Variants in USP17L4 observed in about 807,000 individuals in gnomAD.
The protein encoded by USP17L4 is ubiquitin specific peptidase 17 like family member 4, also known as inactive ubiquitin carboxyl-terminal hydrolase 17-like protein 4.
In USP17L4, 16 loss-of-function variants were observed where a neutral mutation model predicts 20.2. The ratio of observed to expected loss-of-function variants is 0.79; its 90% CI spans 0.54 to 1.20. The LOEUF (loss-of-function observed/expected upper bound fraction) is 1.20. Among genes scored for constraint, USP17L4 ranks in the 50% most tolerant of loss-of-function variants. The pLI is 0.00. For missense variants in USP17L4, 211 were observed against 316.9 expected, an observed-to-expected ratio of 0.67 and a Z score of 2.54; for synonymous variants, 92 against 122.5, an observed-to-expected ratio of 0.75 and a Z score of 1.65.
chr8:7,337,170 A>G lies in USP17L4; in HGVS notation c.56A>G (p.Lys19Arg). ...GAGTGGCAGTTCAACCACTTTTCAA[A>G]ACTCACATCTTCTCGGCCAGATGCA... ...GGEWQFNHFS[K>R]LTSSRPDAAF... The change falls in exon 1 of 1, where the codon AAA becomes AGA. Residue 19 changes from lysine to arginine, a missense_variant. Lys to Arg is a conservative substitution (Grantham distance 26). This residue lies in a region of USP17L4 where 56 missense variants were observed against 46.3 expected (regional missense o/e 1.21). Transcript: ENST00000526929. 1.7e-6 allele frequency: 1 copy of G among 571,444 alleles called. No individual in the cohort carries two copies. Among genetic ancestry groups the G allele is most frequent in the Non-Finnish European group, 2.9e-6 (1 of 340,568 alleles). The allele number at this position is 571,444 out of a possible 1,614,324, so 35.4% of individuals were successfully genotyped here.
Position 7,338,352 on chromosome 8 carries a change from C to T in USP17L4, c.1238C>T (p.Pro413Leu), listed in dbSNP as rs1804683184. 8.7e-6 allele frequency: 9 copies of T among 1,037,714 alleles called. 1 individual carries two copies. Among genetic ancestry groups the T allele is most frequent in the Middle Eastern group, 3.0e-4 (1 of 3,298 alleles). The allele number at this position is 1,037,714 out of a possible 1,614,324, so 64.3% of individuals were successfully genotyped here. A position where few individuals can be genotyped will look rare whatever the true frequency, so the allele number is the denominator to read the frequency against. Residue 413 changes from proline (P) to leucine (L), a missense_variant, in exon 1 of 1, where the codon CCT becomes CTT. Around this residue, in one of 5 missense-constraint regions of USP17L4, gnomAD observed 140 missense variants for 167.6 expected, o/e 0.84. Coordinates refer to ENST00000526929, the MANE Select transcript of USP17L4 (RefSeq NM_001256874.1). Reference protein sequence around the residue: ...ATQGELKRDHPCLQVPELDEH... With the variant: ...ATQGELKRDHLCLQVPELDEH... ...CAAGGAGAGCTCAAGAGAGACCACC[C>T]TTGCCTCCAGGTACCCGAGTTGGAC...
rs1408181259 is a variant in USP17L4, at chr8:7,338,100, G to A, written c.986G>A (p.Ser329Asn). The change falls in exon 1 of 1, where the codon AGT becomes AAT. Residue 329 changes from serine (S) to asparagine (N), a missense_variant. Physicochemically the swap from Ser to Asn is conservative, Grantham distance 46. Transcript: ENST00000526929. Reference protein sequence around the residue: ...LYAVLVHAGWSCHDGYYFSYV... With the variant: ...LYAVLVHAGWNCHDGYYFSYV... ...GCTGTGCTGGTCCACGCTGGGTGGA[G>A]TTGTCACGACGGATATTACTTCTCT... 3 of 1,568,494 alleles carry A rather than the reference G, an allele frequency of 1.9e-6. No homozygotes were observed. Among genetic ancestry groups the A allele is most frequent in the Non-Finnish European group, 2.6e-6 (3 of 1,169,944 alleles).
Position 7,338,157 on chromosome 8 carries a change from A to G in USP17L4, c.1043A>G (p.Lys348Arg). Residue 348 changes from lysine to arginine, a missense_variant, in exon 1 of 1, where the codon AAA (lysine) becomes AGA (arginine). By Grantham distance (26) the Lys-to-Arg change is conservative. Transcript: ENST00000526929. ...AAAGCTCAAGAAGGCCAGTGGTATA[A>G]AATGGATGATGCCGAGGTCACTGTC... ...YVKAQEGQWY[K>R]MDDAEVTVCS... 2 of 1,551,070 alleles carry G rather than the reference A, an allele frequency of 1.3e-6. No homozygotes were observed. The highest frequency in any genetic ancestry group is 1.7e-5 in the Admixed American group (1 of 58,840).
In USP17L4 at chr8:7,338,521, A is replaced by G. The variant is rs1327881928; in HGVS notation, c.1407A>G (p.Ser469=). 13 of 543,544 alleles carry G rather than the reference A, an allele frequency of 2.4e-5. 1 individual carries two copies. Among genetic ancestry groups the G allele is most frequent in the Non-Finnish European group, 3.6e-5 (12 of 329,872 alleles). 33.7% of individuals were successfully genotyped at this position (543,544 alleles called of 1,614,324 possible). Residue 469 remains serine (S), a synonymous_variant, in exon 1 of 1, where the codon TCA becomes TCG. Transcript: ENST00000526929. ...LPPNVLVIHQ[S]KYKCGMKNHH... ...CCAACGTACTTGTGATTCATCAATC[A>G]AAATACAAGTGTGGGATGAAAAACC...
Position 7,337,996 on chromosome 8 carries a change from T to C in USP17L4, c.882T>C (p.Asn294=), listed in dbSNP as rs1267963196. ...TCGCAGGCAACAAACTTGCCAAGAA[T>C]GTGCAATATCCTGAGTGCCTTGACA... The part of the protein sequence containing the change: ...SDVAGNKLAK[N]VQYPECLDMQ... Residue 294 remains asparagine (N), a synonymous_variant, in exon 1 of 1, where the codon AAT becomes AAC. Transcript: ENST00000526929. 6 of 872,294 alleles carry C rather than the reference T, an allele frequency of 6.9e-6. 1 individual carries two copies. The highest frequency in any genetic ancestry group is 1.1e-5 in the Non-Finnish European group (6 of 553,184). 54.0% of individuals were successfully genotyped at this position (872,294 alleles called of 1,614,324 possible).
In USP17L4 at chr8:7,338,440, G is replaced by A. The variant is rs1469843931; in HGVS notation, c.1326G>A (p.Glu442=). 1 of 606,854 alleles carries A rather than the reference G, an allele frequency of 1.6e-6. No homozygotes were observed. Among genetic ancestry groups the A allele is most frequent in the Non-Finnish European group, 2.7e-6 (1 of 366,156 alleles). The allele number at this position is 606,854 out of a possible 1,614,324, so 37.6% of individuals were successfully genotyped here. The change falls in exon 1 of 1, where the codon GAG becomes GAA. Residue 442 remains glutamate, a synonymous_variant. Transcript: ENST00000526929. The stretch of plus-strand genomic sequence containing the variant: ...TAGACCACTGGAAATTCCCCCAAGA[G>A]CAAAACAAAATGAAGCCTGAGTTCA... ...STLDHWKFPQ[E]QNKMKPEFNV...
Position 7,338,127 on chromosome 8 carries a change from A to G in USP17L4, c.1013A>G (p.Tyr338Cys), listed in dbSNP as rs1804660332. The G allele has an allele frequency of 6.4e-7, 1 of 1,568,898 alleles. No homozygotes were observed. Among genetic ancestry groups the G allele is most frequent in the Non-Finnish European group, 8.6e-7 (1 of 1,169,360 alleles). The change falls in exon 1 of 1, where the codon TAT (tyrosine) becomes TGT (cysteine). Residue 338 changes from tyrosine (Y) to cysteine (C), a missense_variant. Around this residue, in one of 5 missense-constraint regions of USP17L4, gnomAD observed 140 missense variants for 167.6 expected, o/e 0.84. Coordinates refer to ENST00000526929, the MANE Select transcript of USP17L4 (RefSeq NM_001256874.1). ...WSCHDGYYFSYVKAQEGQWYK... is the reference protein window; with the variant it reads ...WSCHDGYYFSCVKAQEGQWYK... Reference sequence around the variant, plus strand: ...TGTCACGACGGATATTACTTCTCTTATGTCAAAGCTCAAGAAGGCCAGTGG... The same window carrying G: ...TGTCACGACGGATATTACTTCTCTTGTGTCAAAGCTCAAGAAGGCCAGTGG...
In USP17L4 at chr8:7,338,133, A is replaced by G. The variant is rs1458791379; in HGVS notation, c.1019A>G (p.Lys340Arg). Reference sequence around the variant, plus strand: ...GACGGATATTACTTCTCTTATGTCAAAGCTCAAGAAGGCCAGTGGTATAAA... The same window carrying G: ...GACGGATATTACTTCTCTTATGTCAGAGCTCAAGAAGGCCAGTGGTATAAA... Reference protein sequence around the residue: ...CHDGYYFSYVKAQEGQWYKMD... With the variant: ...CHDGYYFSYVRAQEGQWYKMD... The change falls in exon 1 of 1, where the codon AAA becomes AGA. Residue 340 changes from lysine to arginine, a missense_variant. Coordinates refer to ENST00000526929, the MANE Select transcript of USP17L4 (RefSeq NM_001256874.1). 2 of 1,566,338 alleles carry G rather than the reference A, an allele frequency of 1.3e-6. No homozygotes were observed.
At chr8:7,338,237 A>T in the USP17L4 span, 2 of 1,305,836 alleles carry the variant, frequency 1.5e-6, no homozygotes, top group African/African-American at 2.7e-5. Flanking sequence ...TTACATCCAG[A>T]AGAGTGAATG....
At position 7,337,720 on chromosome 8, in the gene USP17L4, A is replaced by G; in HGVS notation, c.606A>G (p.Arg202=). Residue 202 remains arginine, a synonymous_variant, in exon 1 of 1, where the codon AGA becomes AGG. Transcript: ENST00000526929. ...ACCAAATATTTGGAGGCTGCTGGAG[A>G]TCTCAAATCAAGTGTCTCCACTGCC... ...LIHQIFGGCW[R]SQIKCLHCHG... The G allele has an allele frequency of 2.0e-6, 1 of 498,636 alleles. No individual in the cohort carries two copies. The highest frequency in any genetic ancestry group is 3.2e-6 in the Non-Finnish European group (1 of 308,010). 30.9% of individuals were successfully genotyped at this position (498,636 alleles called of 1,614,324 possible).
Position 7,338,500 on chromosome 8 carries a change from C to A in USP17L4, c.1386C>A (p.Asn462Lys), listed in dbSNP as rs1416538544. Residue 462 changes from asparagine (N) to lysine (K), a missense_variant, in exon 1 of 1, where the codon AAC (asparagine) becomes AAA (lysine). Coordinates refer to ENST00000526929, the MANE Select transcript of USP17L4 (RefSeq NM_001256874.1). ...VRKVEGTLPP[N>K]VLVIHQSKYK... ...AAGTTGAAGGTACCCTGCCTCCCAACGTACTTGTGATTCATCAATCAAAAT... is the reference window on the plus strand; with the variant it reads ...AAGTTGAAGGTACCCTGCCTCCCAAAGTACTTGTGATTCATCAATCAAAAT... 7.3e-6 allele frequency: 4 copies of A among 548,026 alleles called. No homozygotes were observed. Among genetic ancestry groups the A allele is most frequent in the Non-Finnish European group, 1.2e-5 (4 of 332,448 alleles). The allele number at this position is 548,026 out of a possible 1,614,324, so 33.9% of individuals were successfully genotyped here. A position where few individuals can be genotyped will look rare whatever the true frequency, so the allele number is the denominator to read the frequency against.
Position 7,338,135 on chromosome 8 carries a change from G to T in USP17L4, c.1021G>T (p.Ala341Ser). The T allele has an allele frequency of 4.5e-6, 7 of 1,565,298 alleles. No individual in the cohort carries two copies. Among genetic ancestry groups the T allele is most frequent in the Non-Finnish European group, 4.3e-6 (5 of 1,166,358 alleles). The change falls in exon 1 of 1, where the codon GCT becomes TCT. Residue 341 changes from alanine (A) to serine (S), a missense_variant. By Grantham distance (99) the Ala-to-Ser change is moderately conservative (BLOSUM62 1). Around this residue, in one of 5 missense-constraint regions of USP17L4, gnomAD observed 140 missense variants for 167.6 expected, o/e 0.84. Transcript: ENST00000526929. ...HDGYYFSYVK[A>S]QEGQWYKMDD... ...CGGATATTACTTCTCTTATGTCAAAGCTCAAGAAGGCCAGTGGTATAAAAT... is the reference window on the plus strand; with the variant it reads ...CGGATATTACTTCTCTTATGTCAAATCTCAAGAAGGCCAGTGGTATAAAAT...
Position 7,337,301 on chromosome 8 carries a change from G to A in USP17L4, c.187G>A (p.Ala63Thr), listed in dbSNP as rs1368056972. 1 of 470,728 alleles carries A rather than the reference G, an allele frequency of 2.1e-6. No individual in the cohort carries two copies. The highest frequency in any genetic ancestry group is 3.5e-6 in the Non-Finnish European group (1 of 282,984). The allele number at this position is 470,728 out of a possible 1,614,324, so 29.2% of individuals were successfully genotyped here. A position where few individuals can be genotyped will look rare whatever the true frequency, so the allele number is the denominator to read the frequency against. The change falls in exon 1 of 1, where the codon GCT becomes ACT. Residue 63 changes from alanine to threonine, a missense_variant. Physicochemically the swap from Ala to Thr is moderately conservative, Grantham distance 58. Coordinates refer to ENST00000526929, the MANE Select transcript of USP17L4 (RefSeq NM_001256874.1). The part of the protein sequence containing the change: ...DDLAPVARQL[A>T]PREKLPLSSR... ...TTTGGCTCCTGTGGCAAGACAGCTC[G>A]CTCCCAGGGAGAAGCTTCCTCTGAG...
chr8:7,338,405 G>A lies in USP17L4; in HGVS notation c.1291G>A (p.Glu431Lys). 1 of 696,468 alleles carries A rather than the reference G, an allele frequency of 1.4e-6. No individual in the cohort carries two copies. The allele number at this position is 696,468 out of a possible 1,614,324, so 43.1% of individuals were successfully genotyped here. Residue 431 changes from glutamate to lysine, a missense_variant, in exon 1 of 1, where the codon GAA becomes AAA. Physicochemically the swap from Glu to Lys is moderately conservative, Grantham distance 56. Transcript: ENST00000526929. ...GCACTTGGTGGAAAGAGCCACTGAG[G>A]AAAGCACCTTAGACCACTGGAAATT... ...DEHLVERATE[E>K]STLDHWKFPQ...
chr8:7,337,946 C>T lies in USP17L4; in HGVS notation c.832C>T (p.Leu278Phe). Reference sequence around the variant, plus strand: ...ACACACTTCTGCCAAGGTCCTCATCCTTGTCTTGAAGAGATTCTCCGATGT... The same window carrying T: ...ACACACTTCTGCCAAGGTCCTCATCTTTGTCTTGAAGAGATTCTCCGATGT... ...TLHTSAKVLILVLKRFSDVAG... is the reference protein window; with the variant it reads ...TLHTSAKVLIFVLKRFSDVAG... Residue 278 changes from leucine (L) to phenylalanine (F), a missense_variant, in exon 1 of 1, where the codon CTT becomes TTT. Leu to Phe is a conservative substitution (Grantham distance 22). Coordinates refer to ENST00000526929, the MANE Select transcript of USP17L4 (RefSeq NM_001256874.1). The T allele has an allele frequency of 3.9e-6, 3 of 770,038 alleles. No individual in the cohort carries two copies. The highest frequency in any genetic ancestry group is 6.3e-6 in the Non-Finnish European group (3 of 479,866). 47.7% of individuals were successfully genotyped at this position (770,038 alleles called of 1,614,324 possible).
In USP17L4 at chr8:7,338,693, C is replaced by T. The variant is rs1218848637; in HGVS notation, c.1579C>T (p.Leu527Phe). 3.4e-6 allele frequency: 2 copies of T among 586,510 alleles called. No homozygotes were observed. The highest frequency in any genetic ancestry group is 5.7e-6 in the Non-Finnish European group (2 of 352,174). 36.3% of individuals were successfully genotyped at this position (586,510 alleles called of 1,614,324 possible). The change falls in exon 1 of 1, where the codon CTT becomes TTT. Residue 527 changes from leucine to phenylalanine, a missense_variant. Transcript: ENST00000526929. Reference protein sequence around the residue: ...GKNKHSKRSLLVCQ With the variant: ...GKNKHSKRSLFVCQ ...GAACAAACACAGCAAGAGATCTCTG[C>T]TTGTGTGCCAGTGATCAGAGTGGAA...
Position 7,338,366 on chromosome 8 carries a change from C to T in USP17L4, c.1252C>T (p.Pro418Ser), listed in dbSNP as rs1804684717. 4 of 910,330 alleles carry T rather than the reference C, an allele frequency of 4.4e-6. No individual in the cohort carries two copies. The highest frequency in any genetic ancestry group is 6.6e-6 in the Non-Finnish European group (4 of 607,156). 56.4% of individuals were successfully genotyped at this position (910,330 alleles called of 1,614,324 possible). ...GAGAGACCACCCTTGCCTCCAGGTA[C>T]CCGAGTTGGACGAGCACTTGGTGGA... ...LKRDHPCLQVPELDEHLVERA... is the reference protein window; with the variant it reads ...LKRDHPCLQVSELDEHLVERA... The change falls in exon 1 of 1, where the codon CCC becomes TCC. Residue 418 changes from proline to serine, a missense_variant. Coordinates refer to ENST00000526929, the MANE Select transcript of USP17L4 (RefSeq NM_001256874.1).
In USP17L4 at chr8:7,337,262, G is replaced by A. The variant is rs770470319; in HGVS notation, c.148G>A (p.Asp50Asn). The A allele has an allele frequency of 1.3e-3, 626 of 490,192 alleles. 14 individuals are homozygous for A. Among genetic ancestry groups the A allele is most frequent in the Non-Finnish European group, 2.0e-4 (60 of 293,848 alleles). 30.4% of individuals were successfully genotyped at this position (490,192 alleles called of 1,614,324 possible). A position where few individuals can be genotyped will look rare whatever the true frequency, so the allele number is the denominator to read the frequency against. ...ACCACTCTCATCTGAGACCCGTGTC[G>A]ACCTCTGTGATGATTTGGCTCCTGT... The part of the protein sequence containing the change: ...KSPLSSETRV[D>N]LCDDLAPVAR... The change falls in exon 1 of 1, where the codon GAC (aspartate) becomes AAC (asparagine). Residue 50 changes from aspartate to asparagine, a missense_variant. Asp to Asn is a conservative substitution (Grantham distance 23). Transcript: ENST00000526929.
At position 7,338,433 on chromosome 8, in the gene USP17L4, C is replaced by G. The variant is rs1459049054; in HGVS notation, c.1319C>G (p.Pro440Arg). The change falls in exon 1 of 1, where the codon CCC becomes CGC. Residue 440 changes from proline (P) to arginine (R), a missense_variant. Transcript: ENST00000526929. ...AGCACCTTAGACCACTGGAAATTCC[C>G]CCAAGAGCAAAACAAAATGAAGCCT... ...EESTLDHWKFPQEQNKMKPEF... is the reference protein window; with the variant it reads ...EESTLDHWKFRQEQNKMKPEF... 3.3e-6 allele frequency: 2 copies of G among 609,718 alleles called. No homozygotes were observed. The highest frequency in any genetic ancestry group is 3.6e-5 in the South Asian group (2 of 55,448). 37.8% of individuals were successfully genotyped at this position (609,718 alleles called of 1,614,324 possible).
Sources: gnomAD v4.1 joint callset for allele counts on GRCh38, gnomAD v4.1.1 for gene constraint, gnomAD v4.1.1 regional missense constraint, MANE v1.5 for transcripts, NCBI Gene and HGNC (gene_info 2026-07-23, HGNC 2026-07-21) for gene names.